Variants in EVC2 observed in about 807,000 individuals in gnomAD.
EVC2 encodes the protein EvC ciliary complex subunit 2.
In EVC2, 148 loss-of-function variants were observed where a neutral mutation model predicts 149.3. The ratio of observed to expected loss-of-function variants is 0.99; its 90% confidence interval spans 0.87 to 1.14. The LOEUF (loss-of-function observed/expected upper bound fraction) is 1.14, where lower values mean the gene tolerates loss of function less well. Ranked by LOEUF, EVC2 falls within the 50% of genes most tolerant of loss-of-function variation. The probability of loss-of-function intolerance (pLI) is 0.00; values close to 1 mark genes in which losing one functional copy is unlikely to be tolerated. For missense variants in EVC2, 1,854 were observed against 1,627.3 expected (o/e 1.14, Z -2.40); for synonymous variants, 776 against 649.9 (o/e 1.19, Z -2.95).
At chr4:5,568,709 T>C (rs893454039) in intron 19 of EVC2, 69 bp from the exon 20 acceptor site, 2 of 1,485,024 alleles carry the variant, frequency 1.3e-6, no homozygotes, top group Admixed American at 3.8e-5. Context: ...TTTTAATTTA[T>C]CACATTCTGA....
chr4:5,664,923 G>C (rs907221323), intron 8 of EVC2, among the ~76,000 whole-genome samples: 2 of 151,752 alleles, frequency 1.3e-5, no homozygotes, highest in East Asian at 3.9e-4. Flanking sequence ...GTGCGTGTGG[G>C]TGACGGGCTG....
rs1290379739 is a variant in EVC2, at chr4:5,625,624, T to G, written c.2046+125A>C. 7.9e-7 allele frequency: 1 copy of G among 1,269,794 alleles called. No homozygotes were observed. Among genetic ancestry groups the G allele is most frequent in the Non-Finnish European group, 1.1e-6 (1 of 897,820 alleles). 78.7% of individuals were successfully genotyped at this position (1,269,794 alleles called of 1,614,324 possible). ...CCAATCAACAGTAGATGGCACATCATGGTGCCTGCCCAGCTGCCCTTCTGA... is the reference window on the plus strand; with the variant it reads ...CCAATCAACAGTAGATGGCACATCAGGGTGCCTGCCCAGCTGCCCTTCTGA... On this transcript the variant is annotated intron_variant, in intron 13 of 21. Coordinates refer to ENST00000344408, the MANE Select transcript of EVC2 (RefSeq NM_147127.5). This position sits in a 1 kb window ranked among gnomAD's most constrained non-coding sequence, Gnocchi z 4.0.
At chr4:5,594,439 C>T (rs6813498) in intron 16 of EVC2, among the ~76,000 whole-genome samples, 59,209 of 151,956 alleles carry the variant, frequency 0.39, 11,793 homozygotes, top group South Asian at 0.45. Flanking sequence ...CTGCAGCCAC[C>T]GCTGCTGGTA....
intron 10 of EVC2, among the ~76,000 whole-genome samples, chr4:5,635,914 C>A (rs1027660033): frequency 6.6e-6 from 1 of 152,186 alleles, no homozygotes; most frequent in South Asian, 2.1e-4. Flanking sequence ...ACTTCCCCTC[C>A]GGGCTTCGGT....
intron 6 of EVC2, among the ~76,000 whole-genome samples, chr4:5,683,593 G>A (rs1379913378): frequency 6.6e-6 from 1 of 152,142 alleles, no homozygotes; most frequent in Non-Finnish European, 1.5e-5. Context: ...TTCTAGTGAG[G>A]GAGTGGGGGA....
At chr4:5,661,533 G>A (rs992944261) in intron 9 of EVC2, among the ~76,000 whole-genome samples, 2 of 152,088 alleles carry the variant, frequency 1.3e-5, no homozygotes, top group Admixed American at 6.6e-5. Context: ...AGATAATAAC[G>A]TCTTCAGTCA....
downstream of EVC2, among the ~76,000 whole-genome samples, chr4:5,538,264 C>T (rs1218839307): frequency 6.6e-6 from 1 of 152,108 alleles, no homozygotes; most frequent in Non-Finnish European, 1.5e-5. Flanking sequence ...AAAGTACATA[C>T]ATTACCAACT....
intron 19 of EVC2, among the ~76,000 whole-genome samples, chr4:5,573,067 A>G (rs1260282046): frequency 6.6e-6 from 1 of 152,202 alleles, no homozygotes; most frequent in Non-Finnish European, 1.5e-5. Context: ...AATAACAGGC[A>G]TGGCAGGTGT....
downstream of EVC2, among the ~76,000 whole-genome samples, chr4:5,560,488 C>A (rs921982309): frequency 1.3e-5 from 2 of 152,088 alleles, no homozygotes; most frequent in Non-Finnish European, 2.9e-5. The surrounding 1 kb of genome is among the most constrained non-coding windows in gnomAD (Gnocchi z 4.1). Flanking sequence ...ATGCCAGATA[C>A]TTATAAAACA....
At chr4:5,628,780 T>C in intron 11 of EVC2, 46 bp from the exon 12 acceptor site, 1 of 1,550,244 alleles carries the variant, frequency 6.5e-7, no homozygotes, top group South Asian at 1.1e-5. Flanking sequence ...AATTAAAATT[T>C]AGAGCATAAT....
At chr4:5,549,169 G>C (rs918718785) in intron 21 of EVC2, among the ~76,000 whole-genome samples, 3 of 152,102 alleles carry the variant, frequency 2.0e-5, no homozygotes, top group Non-Finnish European at 4.4e-5. Context: ...TTTATATTAA[G>C]ATATATTGTT....
rs1026553844 is a variant in EVC2, at chr4:5,615,305, T to C, written c.2829+117A>G. ...CCTTAGCACCTGAGTGAGTGAGCGG[T>C]TGGGTGGAGATGGATGGCACAGCCC... On this transcript the variant is annotated intron_variant, in intron 16 of 21. Coordinates refer to ENST00000344408, the MANE Select transcript of EVC2 (RefSeq NM_147127.5). The C allele has an allele frequency of 4.1e-5, 63 of 1,528,710 alleles. No homozygotes were observed. The South Asian group carries it at 4.8e-4, about 12-fold the overall frequency. The allele number at this position is 1,528,710 out of a possible 1,614,324, so 94.7% of individuals were successfully genotyped here.
chr4:5,580,570 G>A (rs748278823), intron 17 of EVC2, among the ~76,000 whole-genome samples: 6 of 152,182 alleles, frequency 3.9e-5, no homozygotes, highest in African/African-American at 7.2e-5. Flanking sequence ...TCATGCACTG[G>A]AGGCTAAATG....
At chr4:5,683,939 C>T (rs963333394) in intron 6 of EVC2, among the ~76,000 whole-genome samples, 2 of 152,052 alleles carry the variant, frequency 1.3e-5, no homozygotes, top group South Asian at 2.1e-4. Flanking sequence ...CACAGCTGCC[C>T]GGGAACACAC....
intron 16 of EVC2, among the ~76,000 whole-genome samples, chr4:5,585,845 TTA>T (rs1307069918): frequency 6.6e-6 from 1 of 152,080 alleles, no homozygotes; most frequent in Non-Finnish European, 1.5e-5. Context: ...ACATATTTTT[TTA>T]TCTAGCTGTT....
At chr4:5,533,149 C>T in the EVC2 span, among the ~76,000 whole-genome samples, 1 of 151,718 alleles carries the variant, frequency 6.6e-6, no homozygotes, top group Admixed American at 6.6e-5. Context: ...ATGTGACAAG[C>T]TGATGAGTGC....
intron 5 of EVC2, 37 bp from the exon 6 acceptor site, chr4:5,685,516 T>A: frequency 1.3e-6 from 2 of 1,588,490 alleles, no homozygotes; most frequent in Non-Finnish European, 1.7e-6. Flanking sequence ...CAGGGAGGGC[T>A]TGGCCACGCC....
chr4:5,702,171 T>A (rs945288405), intron 1 of EVC2, among the ~76,000 whole-genome samples: 5 of 152,072 alleles, frequency 3.3e-5, no homozygotes, highest in African/African-American at 9.7e-5. Flanking sequence ...CCCACTCCAT[T>A]CGGGGATCCG....
Position 5,657,076 on chromosome 4 carries a change from T to G in EVC2, c.1145+6031A>C, listed in dbSNP as rs1224704616. On this transcript the variant is annotated intron_variant, in intron 9 of 21. Coordinates refer to ENST00000344408, the MANE Select transcript of EVC2 (RefSeq NM_147127.5). This position sits in a 1 kb window ranked among gnomAD's most constrained non-coding sequence, Gnocchi z 4.7. ...ATGCCCTGCCCGCCAGTGGCCTCCA[T>G]GCCTCCATCCAGACCACTGAGACCA... Among the ~76,000 whole-genome samples the G allele has an allele frequency of 6.6e-6, 1 of 152,128 alleles. No individual in the cohort carries two copies. The highest frequency in any genetic ancestry group is 1.5e-5 in the Non-Finnish European group (1 of 68,018).
Sources: allele counts gnomAD v4.1 joint callset (sites outside exome capture counted in the v4.1 genomes callset), GRCh38; gene constraint gnomAD v4.1.1; non-coding constraint Gnocchi (gnomAD v3.1); transcripts MANE v1.5; gene names NCBI Gene and HGNC (gene_info 2026-07-23, HGNC 2026-07-21).